Variants in SH3KBP1 observed in about 807,000 individuals in gnomAD.
The protein encoded by SH3KBP1 is SH3 domain containing kinase binding protein 1, also known as SH3 domain-containing kinase-binding protein 1.
In SH3KBP1, 8 loss-of-function variants were observed where a neutral mutation model predicts 50.1. The ratio of observed to expected loss-of-function variants is 0.16; its 90% CI spans 0.09 to 0.29. The LOEUF (loss-of-function observed/expected upper bound fraction) is 0.29, where lower values mean the gene tolerates loss of function less well. SH3KBP1 is among the 10% of genes least tolerant of loss of function. The pLI is 1.00. For missense variants in SH3KBP1, 377 were observed against 535.2 expected (o/e 0.70, Z 2.92); for synonymous variants, 227 against 218.6 (o/e 1.04, Z -0.34).
intron 6 of SH3KBP1, among the ~76,000 whole-genome samples, chrX:19,673,939 T>C (rs1435752077): frequency 1.8e-5 from 2 of 112,154 alleles, no homozygotes; most frequent in African/African-American, 3.2e-5. Context: ...GTACCATGAA[T>C]TCCCAACGTC....
intron 3 of SH3KBP1, among the ~76,000 whole-genome samples, chrX:19,727,410 A>G (rs2064248773): frequency 8.9e-6 from 1 of 112,510 alleles, no homozygotes. Flanking sequence ...GTGGAATCAT[A>G]TAGTATTTGT....
At position 19,631,965 on chromosome X, in the gene SH3KBP1, G is replaced by C. The variant is rs190819265; in HGVS notation, c.803-7C>G. ...ACTTTGCAGTAATCCTTGCCTATAAGAAAAACAGAAAACATAACCTTTAAA... is the reference window on the plus strand; with the variant it reads ...ACTTTGCAGTAATCCTTGCCTATAACAAAAACAGAAAACATAACCTTTAAA... On this transcript the variant is annotated splice_polypyrimidine_tract_variant and splice_region_variant and intron_variant, in intron 7 of 17. Coordinates refer to ENST00000397821, the MANE Select transcript of SH3KBP1 (RefSeq NM_031892.3). 1 of 1,080,912 alleles carries C rather than the reference G, an allele frequency of 9.3e-7. No homozygotes were observed. The highest frequency in any genetic ancestry group is 2.5e-4 in the Middle Eastern group (1 of 4,022). The allele number at this position is 1,080,912 out of a possible 1,213,427, so 89.1% of individuals were successfully genotyped here.
At chrX:19,697,630 G>A (rs1388252973) in intron 4 of SH3KBP1, among the ~76,000 whole-genome samples, 2 of 112,401 alleles carry the variant, frequency 1.8e-5, no homozygotes, top group African/African-American at 6.5e-5. Context: ...GTAAACAGAT[G>A]AGAAAAGACC....
chrX:19,725,735 GCA>G (rs1480551278), intron 3 of SH3KBP1, among the ~76,000 whole-genome samples: 8 of 111,813 alleles, frequency 7.2e-5, no homozygotes, highest in Non-Finnish European at 1.1e-4. Context: ...GAGGTCCCCT[GCA>G]CTTCCCCACT....
In SH3KBP1 at chrX:19,674,936, G is replaced by A. The variant is rs140455760; in HGVS notation, c.726+8887C>T. Among the ~76,000 whole-genome samples, 563 of 109,847 alleles carry A rather than the reference G, an allele frequency of 5.1e-3. 3 individuals are homozygous for A. The highest frequency in any genetic ancestry group is 0.018 in the African/African-American group (532 of 30,132). On this transcript the variant is annotated intron_variant, in intron 6 of 17. Coordinates refer to ENST00000397821, the MANE Select transcript of SH3KBP1 (RefSeq NM_031892.3). ...TCTACTAAAAATACAAAAATCAGCC[G>A]GGCGTGGTGGCCCACACCTATAATC... is the stretch of plus-strand genomic sequence containing the variant.
intron 5 of SH3KBP1, among the ~76,000 whole-genome samples, chrX:19,690,060 CTTT>C (rs1288057221): frequency 2.2e-4 from 14 of 64,439 alleles, no homozygotes; most frequent in Non-Finnish European, 3.1e-4. Flanking sequence ...CTCTCTCTCT[CTTT>C]TTTTTTTTTT....
chrX:19,667,140 C>T (rs1026051253), intron 6 of SH3KBP1, among the ~76,000 whole-genome samples: 1 of 111,986 alleles, frequency 8.9e-6, no homozygotes, highest in African/African-American at 3.2e-5. Context: ...ATGTGAAGTA[C>T]CTAGTCAAAT....
chrX:19,751,661 G>A (rs967067785), intron 2 of SH3KBP1, among the ~76,000 whole-genome samples: 2 of 111,604 alleles, frequency 1.8e-5, no homozygotes, highest in Non-Finnish European at 3.8e-5. Flanking sequence ...TATCAATGCT[G>A]CAAAGGACGC....
chrX:19,738,176 A>G (rs2064650738), intron 3 of SH3KBP1, among the ~76,000 whole-genome samples: 2 of 111,633 alleles, frequency 1.8e-5, no homozygotes, highest in Non-Finnish European at 3.8e-5. Flanking sequence ...GCCATCTGAG[A>G]GCCTGTACTA....
chrX:19,637,598 G>C (rs992187281), intron 7 of SH3KBP1, among the ~76,000 whole-genome samples: 2 of 111,267 alleles, frequency 1.8e-5, no homozygotes, highest in Non-Finnish European at 3.8e-5. Context: ...ACACTGACCA[G>C]AGGAGTAGGA....
intron 17 of SH3KBP1, among the ~76,000 whole-genome samples, chrX:19,536,768 C>T (rs771109242): frequency 1.2e-3 from 138 of 111,858 alleles, no homozygotes; most frequent in Non-Finnish European, 2.3e-3. Context: ...TCCTAACAGG[C>T]GGGGCCATCT....
At chrX:19,800,768 T>G (rs191809739) in intron 2 of SH3KBP1, among the ~76,000 whole-genome samples, 2 of 112,090 alleles carry the variant, frequency 1.8e-5, no homozygotes, top group Admixed American at 1.9e-4. Context: ...ATTATTACTC[T>G]CAAGCCTATT....
chrX:19,759,288 C>A (rs2065306735), intron 2 of SH3KBP1, among the ~76,000 whole-genome samples: 1 of 111,372 alleles, frequency 9.0e-6, no homozygotes, highest in Non-Finnish European at 1.9e-5. Context: ...TGTCCCCATT[C>A]CTTCACTCCC....
chrX:19,779,163 ATAGTGTGCACCTG>A (rs987543107), intron 2 of SH3KBP1, among the ~76,000 whole-genome samples: 1 of 108,115 alleles, frequency 9.2e-6, no homozygotes, highest in Non-Finnish European at 1.9e-5. Flanking sequence ...GCCAGGTGTG[ATAGTGTGCACCTG>A]TAGTCCCAGC....
rs1462908816 is a variant in SH3KBP1, at chrX:19,887,462, C to T, written c.-152G>A. The T allele has an allele frequency of 1.3e-5, 5 of 394,962 alleles. No individual in the cohort carries two copies. Among genetic ancestry groups the T allele is most frequent in the Non-Finnish European group, 1.9e-5 (5 of 267,594 alleles). 32.5% of individuals were successfully genotyped at this position (394,962 alleles called of 1,213,427 possible). On this transcript the variant is annotated 5_prime_UTR_variant, in exon 1 of 18. Transcript: ENST00000397821. ...CCGGCTTCTTCCTCAGTGGCGGCGG[C>T]GGCGGCTCAGCGCCGCCCGCTGCTG... is the stretch of plus-strand genomic sequence containing the variant.
At chrX:19,837,145 C>T (rs1198004711) in intron 1 of SH3KBP1, among the ~76,000 whole-genome samples, 1 of 112,197 alleles carries the variant, frequency 8.9e-6, no homozygotes, top group Non-Finnish European at 1.9e-5. Flanking sequence ...AGCAACAACA[C>T]GTGTAAAGAC....
At chrX:19,864,927 A>C (rs925057265) in intron 1 of SH3KBP1, among the ~76,000 whole-genome samples, 3 of 112,096 alleles carry the variant, frequency 2.7e-5, no homozygotes, top group African/African-American at 9.8e-5. Context: ...TGCCCCTAGC[A>C]CTTATGTCCA....
At chrX:19,795,226 G>C (rs1265050957) in intron 2 of SH3KBP1, among the ~76,000 whole-genome samples, 5 of 111,378 alleles carry the variant, frequency 4.5e-5, no homozygotes, top group Non-Finnish European at 9.4e-5. Context: ...TTTGCATGGA[G>C]ATGCATCTGT....
At chrX:19,621,327 G>T (rs910781578) in intron 8 of SH3KBP1, among the ~76,000 whole-genome samples, 1 of 104,135 alleles carries the variant, frequency 9.6e-6, no homozygotes, top group Non-Finnish European at 1.9e-5. Context: ...CTGACCTCGT[G>T]ATCCGCCCGT....
Sources: gnomAD v4.1 joint callset for allele counts (sites outside exome capture counted in the v4.1 genomes callset) on GRCh38, gnomAD v4.1.1 for gene constraint, MANE v1.5 for transcripts, NCBI Gene and HGNC (gene_info 2026-07-23, HGNC 2026-07-21) for gene names.